The following DNMBP variants were observed in gnomAD, a reference collection of about 807,000 sequenced individuals.
DNMBP encodes the protein dynamin-binding protein.
Under a neutral mutation model 150.0 loss-of-function variants are expected in DNMBP, and 87 were observed. That is an observed-to-expected ratio of 0.58 (90% CI 0.49 to 0.69). The LOEUF (loss-of-function observed/expected upper bound fraction) is 0.69. Ranked by LOEUF, DNMBP falls within the 30% of genes least tolerant of loss-of-function variation. The probability of loss-of-function intolerance (pLI) is 0.00; values close to 1 mark genes in which losing one functional copy is unlikely to be tolerated. For synonymous variants in DNMBP, 711 were observed against 750.4 expected (o/e 0.95, Z 0.86); for missense variants, 1,774 against 1,949.0 (o/e 0.91, Z 1.69).
chr10:99,980,092 T>A (rs1309833530), intron 1 of DNMBP, among the ~76,000 whole-genome samples: 1 of 152,210 alleles, frequency 6.6e-6, no homozygotes, highest in African/African-American at 2.4e-5. Flanking sequence ...GGACTGGACA[T>A]GTAAAAGTTA....
intron 16 of DNMBP, among the ~76,000 whole-genome samples, chr10:99,878,035 C>T (rs932817733): frequency 2.0e-5 from 3 of 152,140 alleles, no homozygotes; most frequent in Admixed American, 6.5e-5. Flanking sequence ...AGGAGAATTG[C>T]CTGAACCCAG....
chr10:99,971,415 G>A (rs1030356623), intron 2 of DNMBP, among the ~76,000 whole-genome samples: 9 of 151,836 alleles, frequency 5.9e-5, no homozygotes, highest in Non-Finnish European at 1.3e-4. Context: ...TGTTGACCAG[G>A]CTGGTCATGA....
intron 1 of DNMBP, among the ~76,000 whole-genome samples, chr10:100,008,318 G>C (rs76707553): frequency 0.046 from 6,978 of 152,266 alleles, 174 homozygotes; most frequent in African/African-American, 0.061. Flanking sequence ...TATGAACACT[G>C]TATAAAAGTC....
chr10:99,904,092 A>G (rs1393967246), intron 6 of DNMBP, among the ~76,000 whole-genome samples: 2 of 152,160 alleles, frequency 1.3e-5, no homozygotes, highest in East Asian at 1.9e-4. Context: ...ATCAGAAAAC[A>G]TCGGACATAA....
intron 4 of DNMBP, chr10:99,929,671 G>C (rs778942727): frequency 1.4e-6 from 1 of 702,794 alleles, no homozygotes. Flanking sequence ...GCTGTGCGGC[G>C]GAGGCAACTA....
intron 11 of DNMBP, among the ~76,000 whole-genome samples, chr10:99,891,888 G>T (rs1375502998): frequency 6.8e-6 from 1 of 147,230 alleles, no homozygotes; most frequent in South Asian, 2.2e-4. Flanking sequence ...GGTGAGGAGC[G>T]TCTCTGCCGC....
Position 99,956,077 on chromosome 10 carries a change from G to A in DNMBP, c.1397C>T (p.Ser466Phe). 6.2e-7 allele frequency: 1 copy of A among 1,614,168 alleles called. No homozygotes were observed. The highest frequency in any genetic ancestry group is 8.5e-7 in the Non-Finnish European group (1 of 1,180,032). ...TGGCTTCTGAAGAGTTTTTAGCTGG[G>A]AATACATTCTTTTGGGAGGTAGGCT... ...YASLPPKRMY[S>F]QLKTLQKPVL... The change falls in exon 4 of 17, where the codon TCC (serine) becomes TTC (phenylalanine). Residue 466 changes from serine to phenylalanine, a missense_variant. Around this residue, in one of 2 missense-constraint regions of DNMBP, gnomAD observed 1,430 missense variants for 1,492.5 expected, o/e 0.96. Transcript: ENST00000324109.
At chr10:99,916,700 AT>A (rs1307769548) in intron 4 of DNMBP, among the ~76,000 whole-genome samples, 1 of 152,218 alleles carries the variant, frequency 6.6e-6, no homozygotes, top group African/African-American at 2.4e-5. Context: ...TTTAAAAAAA[AT>A]CAAACCTTAT....
intron 1 of DNMBP, among the ~76,000 whole-genome samples, chr10:99,987,864 G>A (rs918029228): frequency 2.6e-5 from 4 of 152,150 alleles, no homozygotes; most frequent in African/African-American, 4.8e-5. Context: ...GTAGCATGTG[G>A]TAGTTGATAT....
At chr10:99,907,299 A>G (rs765716391) in intron 6 of DNMBP, among the ~76,000 whole-genome samples, 3 of 151,708 alleles carry the variant, frequency 2.0e-5, no homozygotes, top group Non-Finnish European at 4.4e-5. Flanking sequence ...CTGCACTCCA[A>G]CCTGGGCGAC....
chr10:99,893,034 A>C (rs1206046541), intron 11 of DNMBP, among the ~76,000 whole-genome samples: 3 of 152,030 alleles, frequency 2.0e-5, no homozygotes, highest in Non-Finnish European at 4.4e-5. Flanking sequence ...GAAAAATATA[A>C]TGATATAGAC....
chr10:99,922,524 T>C (rs2040034956), intron 4 of DNMBP, among the ~76,000 whole-genome samples: 7 of 70,944 alleles, frequency 9.9e-5, no homozygotes, highest in Non-Finnish European at 1.2e-4. Flanking sequence ...TTTTTTTTTT[T>C]CTTAAAAAAA....
chr10:99,939,048 T>C (rs1589429162), intron 4 of DNMBP, among the ~76,000 whole-genome samples: 1 of 150,544 alleles, frequency 6.6e-6, no homozygotes, highest in Non-Finnish European at 1.5e-5. Flanking sequence ...GATGGAGAAG[T>C]AGGATTTGGA....
intron 3 of DNMBP, among the ~76,000 whole-genome samples, chr10:99,959,498 C>CA (rs961848591): frequency 6.6e-5 from 10 of 151,646 alleles, no homozygotes; most frequent in African/African-American, 2.4e-4. Context: ...AAAACAAAAA[C>CA]AAAACAAAAA....
chr10:99,879,084 C>CAAAAAAAAAAAAAAAAAA lies in DNMBP; in HGVS notation c.4548+726_4548+727insTTTTTTTTTTTTTTTTTT, dbSNP rs71009780. Among the ~76,000 whole-genome samples, 33 of 62,382 alleles carry CAAAAAAAAAAAAAAAAAA rather than the reference C, an allele frequency of 5.3e-4. 1 individual carries two copies. Among genetic ancestry groups the CAAAAAAAAAAAAAAAAAA allele is most frequent in the African/African-American group, 2.1e-3 (26 of 12,220 alleles). 40.9% of individuals were successfully genotyped at this position (62,382 alleles called of 152,430 possible). ...TGGGCGACAGAGCAAGACTCTGTCT[C>CAAAAAAAAAAAAAAAAAA]AAAAAAAAAAAAAAAAACCCAAAAC... On this transcript the variant is annotated intron_variant, in intron 16 of 16. Transcript: ENST00000324109.
intron 1 of DNMBP, among the ~76,000 whole-genome samples, chr10:99,988,023 C>T (rs1041185278): frequency 4.0e-5 from 6 of 151,878 alleles, no homozygotes; most frequent in South Asian, 4.2e-4. Context: ...CAGAGGCAGG[C>T]GGGGGAAATA....
intron 15 of DNMBP, among the ~76,000 whole-genome samples, chr10:99,882,026 C>G (rs966989935): frequency 6.6e-6 from 1 of 152,210 alleles, no homozygotes; most frequent in African/African-American, 2.4e-5. Flanking sequence ...ACCCCGTAAT[C>G]AATTCTGTTA....
At chr10:99,923,801 T>C (rs1352494593) in intron 4 of DNMBP, among the ~76,000 whole-genome samples, 1 of 152,194 alleles carries the variant, frequency 6.6e-6, no homozygotes, top group African/African-American at 2.4e-5. Context: ...CCATTATTTC[T>C]TTAAGTTTCA....
chr10:99,969,245 T>C lies in DNMBP; in HGVS notation c.146-8A>G. ...AACTGCTGGGGAATTGTCCTGAAAA[T>C]AAAAGCAAACATATTAAATTTTAAT... On this transcript the variant is annotated splice_polypyrimidine_tract_variant and splice_region_variant and intron_variant, in intron 2 of 16. Transcript: ENST00000324109. The C allele has an allele frequency of 1.9e-6, 3 of 1,613,622 alleles. No individual in the cohort carries two copies. The highest frequency in any genetic ancestry group is 2.5e-6 in the Non-Finnish European group (3 of 1,179,812).
Sources: allele counts gnomAD v4.1 joint callset (sites outside exome capture counted in the v4.1 genomes callset), GRCh38; gene constraint gnomAD v4.1.1; regional missense constraint gnomAD v4.1.1; transcripts MANE v1.5; gene names NCBI Gene and HGNC (gene_info 2026-07-23, HGNC 2026-07-21).